Variants in ADGRA1 observed in about 807,000 individuals in gnomAD.
The protein encoded by ADGRA1 is adhesion G protein-coupled receptor A1.
A neutral mutation model predicts 21.3 loss-of-function variants in ADGRA1; 12 were observed. That is an observed-to-expected ratio of 0.56 (90% CI 0.36 to 0.91). The LOEUF is 0.91. Ranked by LOEUF, ADGRA1 falls within the 40% of genes least tolerant of loss-of-function variation. ADGRA1 has a pLI of 0.01. For missense variants in ADGRA1, 790 were observed against 805.6 expected, an observed-to-expected ratio of 0.98 and a Z score of 0.23; for synonymous variants, 385 against 368.8, an observed-to-expected ratio of 1.04 and a Z score of -0.50.
intron 2 of ADGRA1, chr10:133,095,607 C>G: frequency 3.2e-6 from 5 of 1,558,668 alleles, no homozygotes; most frequent in Non-Finnish European, 4.3e-6. Context: ...GGGCAGGGGC[C>G]CTATTTCGGG....
intron 5 of ADGRA1, among the ~76,000 whole-genome samples, chr10:133,122,091 C>T (rs1007320801): frequency 4.6e-5 from 7 of 152,186 alleles, no homozygotes; most frequent in Non-Finnish European, 1.0e-4. Context: ...TACGTGTGTG[C>T]ACGTGTGAGC....
intron 5 of ADGRA1, among the ~76,000 whole-genome samples, chr10:133,120,146 G>A (rs1292412180): frequency 2.6e-5 from 4 of 152,248 alleles, no homozygotes; most frequent in African/African-American, 7.2e-5. Context: ...GCTCATGCCT[G>A]TAATCCCAGC....
chr10:133,117,678 T>G (rs1356295899), intron 5 of ADGRA1, among the ~76,000 whole-genome samples: 1 of 152,270 alleles, frequency 6.6e-6, no homozygotes, highest in African/African-American at 2.4e-5. Context: ...ACTGTGTCCC[T>G]GACCTCAGCT....
intron 5 of ADGRA1, among the ~76,000 whole-genome samples, chr10:133,111,226 T>G (rs1357467697): frequency 8.4e-6 from 1 of 119,428 alleles, no homozygotes; most frequent in Non-Finnish European, 1.6e-5. Flanking sequence ...CACAGGCACC[T>G]CCCTCCTAAT....
Position 133,129,534 on chromosome 10 carries a change from T to C in ADGRA1, c.*23T>C, listed in dbSNP as rs1564857212. 1 of 1,552,450 alleles carries C rather than the reference T, an allele frequency of 6.4e-7. No homozygotes were observed. Reference sequence around the variant, plus strand: ...TAGATGGGGGCAGAGGACACGGTGTTCCTGGAGGAGCTTCAGAGCAGAGTG... The same window carrying C: ...TAGATGGGGGCAGAGGACACGGTGTCCCTGGAGGAGCTTCAGAGCAGAGTG... On this transcript the variant is annotated 3_prime_UTR_variant, in exon 7 of 7. Coordinates refer to ENST00000392607, the MANE Select transcript of ADGRA1 (RefSeq NM_001083909.3).
At chr10:133,108,731 T>C (rs1189928404) in intron 5 of ADGRA1, among the ~76,000 whole-genome samples, 1 of 152,102 alleles carries the variant, frequency 6.6e-6, no homozygotes, top group Non-Finnish European at 1.5e-5. Flanking sequence ...TGCCGCAGCC[T>C]CCTGATGCCT....
At chr10:133,101,632 A>C (rs1372622353) in intron 4 of ADGRA1, among the ~76,000 whole-genome samples, 1 of 152,034 alleles carries the variant, frequency 6.6e-6, no homozygotes, top group African/African-American at 2.4e-5. Context: ...AAAAGAAAGA[A>C]CCCGAGGCCG....
chr10:133,127,688 C>G (rs1159287556), intron 6 of ADGRA1, among the ~76,000 whole-genome samples: 4 of 152,074 alleles, frequency 2.6e-5, no homozygotes, highest in Admixed American at 2.6e-4. Flanking sequence ...CCAGAGCCAG[C>G]CTGGAACCTC....
intron 5 of ADGRA1, among the ~76,000 whole-genome samples, chr10:133,121,422 G>GGT (rs907613807): frequency 1.3e-5 from 2 of 150,802 alleles, no homozygotes; most frequent in Admixed American, 6.6e-5. Context: ...GCATGTGTGT[G>GGT]GTGTGTCAGT....
Position 133,128,834 on chromosome 10 carries a change from G to A in ADGRA1, c.1006G>A (p.Ala336Thr), listed in dbSNP as rs772264372. Residue 336 changes from alanine (A) to threonine (T), a missense_variant, in exon 7 of 7, where the codon GCC (alanine) becomes ACC (threonine). Transcript: ENST00000392607. ...DAHPALDANG[A>T]ALGRAACLHS... ...CCACCCCGCACTTGACGCCAACGGG[G>A]CCGCGCTGGGCCGCGCCGCCTGCCT... The A allele has an allele frequency of 6.3e-7, 1 of 1,590,886 alleles. No homozygotes were observed. Among genetic ancestry groups the A allele is most frequent in the Non-Finnish European group, 8.5e-7 (1 of 1,171,514 alleles).
At chr10:133,099,475 G>A (rs959867379) in intron 4 of ADGRA1, among the ~76,000 whole-genome samples, 2 of 152,164 alleles carry the variant, frequency 1.3e-5, no homozygotes, top group Non-Finnish European at 2.9e-5. Context: ...ACTGCAGGGA[G>A]AGCTGGAGAG....
chr10:133,095,563 C>A (rs540098283), intron 2 of ADGRA1: 70 of 1,422,554 alleles, frequency 4.9e-5, no homozygotes, highest in Admixed American at 3.2e-4. Flanking sequence ...AGGGCCCCTC[C>A]GGTGCCCGCC....
intron 4 of ADGRA1, among the ~76,000 whole-genome samples, chr10:133,101,046 A>G (rs367780116): frequency 2.0e-5 from 3 of 152,214 alleles, no homozygotes; most frequent in East Asian, 3.9e-4. Context: ...CATTGATCTA[A>G]CGCTGAGGCC....
chr10:133,115,703 G>A lies in ADGRA1; in HGVS notation c.402-11530G>A, dbSNP rs141639706. 3.8e-3 allele frequency among the ~76,000 whole-genome samples: 583 copies of A among 152,224 alleles called. 4 individuals carry two copies. The highest frequency in any genetic ancestry group is 0.014 in the African/African-American group (561 of 41,530). On this transcript the variant is annotated intron_variant, in intron 5 of 6. Coordinates refer to ENST00000392607, the MANE Select transcript of ADGRA1 (RefSeq NM_001083909.3). ...GGCCGATGGCGTTGTCACCCCTCCC[G>A]GGCCCCTTGAACCACCCACTGCTGG... is the stretch of plus-strand genomic sequence containing the variant.
intron 5 of ADGRA1, among the ~76,000 whole-genome samples, chr10:133,111,908 T>C (rs568030419): frequency 2.1e-5 from 2 of 96,016 alleles, no homozygotes; most frequent in African/African-American, 8.5e-5. Context: ...TCCCTCCTAA[T>C]GCCTCCAGAC....
In ADGRA1 at chr10:133,107,744, C is replaced by T. The variant is rs138280864; in HGVS notation, c.401+4902C>T. On this transcript the variant is annotated intron_variant, in intron 5 of 6. Coordinates refer to ENST00000392607, the MANE Select transcript of ADGRA1 (RefSeq NM_001083909.3). ...TTTCTGCTTTTCCTTGTGATTTCTT[C>T]TCTGGCCCATTGGTTGTTTTAAAAT... Among the ~76,000 whole-genome samples, 654 of 152,036 alleles carry T rather than the reference C, an allele frequency of 4.3e-3. 5 individuals carry two copies. The highest frequency in any genetic ancestry group is 0.014 in the African/African-American group (592 of 41,452).
rs1309507989 is a variant in ADGRA1 at position 133,098,528 on chromosome 10, C to T, written c.132-112C>T. The T allele has an allele frequency of 3.0e-6, 4 of 1,336,814 alleles. No individual in the cohort carries two copies. The African/African-American group carries it at 5.9e-5, about 20-fold the overall frequency. 82.8% of individuals were successfully genotyped at this position (1,336,814 alleles called of 1,614,324 possible). ...GTCCTCGGACAGCTGCCCCTGACCC[C>T]ACGGAGAGCCCGGACTTCCCGGGGA... On this transcript the variant is annotated intron_variant, in intron 3 of 6. Transcript: ENST00000392607.
intron 5 of ADGRA1, among the ~76,000 whole-genome samples, chr10:133,123,238 C>T (rs1422508465): frequency 2.0e-5 from 3 of 152,182 alleles, no homozygotes; most frequent in Non-Finnish European, 2.9e-5. Flanking sequence ...TTGCTGGCTG[C>T]GCCGTCCTCT....
intron 4 of ADGRA1, among the ~76,000 whole-genome samples, chr10:133,099,373 T>C (rs1329930998): frequency 6.6e-6 from 1 of 152,150 alleles, no homozygotes; most frequent in Non-Finnish European, 1.5e-5. Flanking sequence ...TGCTGCCGCC[T>C]GAGTCACCAG....
Sources: gnomAD v4.1 joint callset for allele counts (sites outside exome capture counted in the v4.1 genomes callset) on GRCh38, gnomAD v4.1.1 for gene constraint, MANE v1.5 for transcripts, NCBI Gene and HGNC (gene_info 2026-07-23, HGNC 2026-07-21) for gene names.